PCDHA2: variants seen among roughly 807,000 people sequenced by gnomAD.
The protein encoded by PCDHA2 is protocadherin alpha-2.
In PCDHA2, 58 loss-of-function variants were observed where a neutral mutation model predicts 66.0. The observed-to-expected ratio is 0.88, with a 90% confidence interval of 0.71 to 1.09. The LOEUF (loss-of-function observed/expected upper bound fraction) is 1.09, where lower values mean the gene tolerates loss of function less well. Among genes scored for constraint, PCDHA2 ranks in the 50% least tolerant of loss-of-function variants. The probability of loss-of-function intolerance (pLI) is 0.00; values close to 1 mark genes in which losing one functional copy is unlikely to be tolerated. For missense variants in PCDHA2, 1,267 were observed against 1,242.3 expected (o/e 1.02, Z -0.30); for synonymous variants, 634 against 554.0 (o/e 1.14, Z -2.03).
intron 3 of PCDHA2, among the ~76,000 whole-genome samples, chr5:141,007,284 C>T (rs2098312696): frequency 6.6e-6 from 1 of 151,430 alleles, no homozygotes; most frequent in Admixed American, 6.6e-5. Context: ...GTGCAGTGGG[C>T]TCATGCCTGT....
intron 1 of PCDHA2, chr5:140,884,831 ATCCT>A: frequency 1.1e-6 from 1 of 939,722 alleles, no homozygotes; most frequent in Non-Finnish European, 1.5e-6. Flanking sequence ...GTGTTGGATT[ATCCT>A]TCAGAGTGAA....
At chr5:140,882,633 A>G in intron 1 of PCDHA2, 1 of 1,614,220 alleles carries the variant, frequency 6.2e-7, no homozygotes, top group Non-Finnish European at 8.5e-7. Context: ...GTGGAGGTGA[A>G]GGTGAGGGAC....
intron 1 of PCDHA2, chr5:140,802,804 G>C: frequency 1.2e-6 from 2 of 1,613,474 alleles, no homozygotes; most frequent in South Asian, 1.1e-5. Flanking sequence ...TTCCAGGTGA[G>C]TGCGCGCGAT....
intron 1 of PCDHA2, chr5:140,870,354 G>T: frequency 6.2e-7 from 1 of 1,614,226 alleles, no homozygotes; most frequent in Non-Finnish European, 8.5e-7. Context: ...GCGAGAACGT[G>T]TGGGCCTATG....
In PCDHA2 at chr5:140,808,531, G is replaced by C. The variant is rs1554124620; in HGVS notation, c.2388+11179G>C. 1.9e-6 allele frequency: 3 copies of C among 1,614,180 alleles called. No individual in the cohort carries two copies. In the South Asian group the frequency reaches 3.3e-5, roughly 18 times the overall value. ...GTGTTTCTGTGGAGGTGGCTGATGT[G>C]AACGACAACGCTCCGGCGTTCGCGC... On this transcript the variant is annotated intron_variant, in intron 1 of 3. Coordinates refer to ENST00000526136, the MANE Select transcript of PCDHA2 (RefSeq NM_018905.3).
rs541123870 is a variant in PCDHA2 at position 140,857,278 on chromosome 5, C to T, written c.2388+59926C>T. 4.4e-6 allele frequency: 7 copies of T among 1,598,684 alleles called. No individual in the cohort carries two copies. The South Asian group carries it at 7.7e-5, about 18-fold the overall frequency. On this transcript the variant is annotated intron_variant, in intron 1 of 3. Coordinates refer to ENST00000526136, the MANE Select transcript of PCDHA2 (RefSeq NM_018905.3). ...ATTACTACTCATTGGTGCTGGACAG[C>T]GCTCTGGACCGCGAGAGGGTGTCGG...
intron 1 of PCDHA2, among the ~76,000 whole-genome samples, chr5:140,846,410 T>C (rs1476345835): frequency 7.2e-6 from 1 of 138,236 alleles, no homozygotes; most frequent in Non-Finnish European, 1.6e-5. Flanking sequence ...AGTCTCGCTC[T>C]ATCTCCCAGG....
intron 1 of PCDHA2, among the ~76,000 whole-genome samples, chr5:140,947,229 G>GA (rs201242412): frequency 9.4e-5 from 14 of 148,904 alleles, no homozygotes; most frequent in South Asian, 2.1e-4. Context: ...TTTATGACAG[G>GA]AAAAAAAAAT....
chr5:140,821,737 G>T (rs2150110277), intron 1 of PCDHA2: 1 of 1,541,884 alleles, frequency 6.5e-7, no homozygotes, highest in East Asian at 2.3e-5. Flanking sequence ...ACATTGTGTG[G>T]TGATGCAATA....
At chr5:140,836,206 C>T (rs1554135734) in intron 1 of PCDHA2, 3 of 1,613,832 alleles carry the variant, frequency 1.9e-6, no homozygotes, top group South Asian at 2.2e-5. Context: ...GCGTGGCTTT[C>T]GTATGAGTTG....
intron 1 of PCDHA2, chr5:140,875,308 A>G (rs757619394): frequency 2.7e-5 from 39 of 1,423,476 alleles, no homozygotes; most frequent in Non-Finnish European, 3.4e-5. Flanking sequence ...CTCCGCACCC[A>G]CATTCCAATC....
chr5:140,864,709 T>C (rs2048574243), intron 1 of PCDHA2: 1 of 152,268 alleles, frequency 6.6e-6, no homozygotes, highest in South Asian at 2.1e-4. Flanking sequence ...TGTTGAGCTC[T>C]TCTACTATTT....
At position 140,915,626 on chromosome 5, in the gene PCDHA2, G is replaced by GTCTCTCTCTCTC. The variant is rs57920489; in HGVS notation, c.2389-63304_2389-63293dup. 2.6e-4 allele frequency among the ~76,000 whole-genome samples: 38 copies of GTCTCTCTCTCTC among 146,532 alleles called. No individual in the cohort carries two copies. In the Middle Eastern group the frequency reaches 0.011, roughly 41 times the overall value. Reference sequence around the variant, plus strand: ...ACTTTCTGTCAAACAGTCTCTTTCTGTCTCTCTCTCTCTCTCTCTCTCTCT... The same window carrying GTCTCTCTCTCTC: ...ACTTTCTGTCAAACAGTCTCTTTCTGTCTCTCTCTCTCTCTCTCTCTCTCTCTCTCTCTCTCT... On this transcript the variant is annotated intron_variant, in intron 1 of 3. Coordinates refer to ENST00000526136, the MANE Select transcript of PCDHA2 (RefSeq NM_018905.3).
At chr5:140,835,658 T>G (rs2150240988) in intron 1 of PCDHA2, 43 of 1,613,884 alleles carry the variant, frequency 2.7e-5, no homozygotes, top group African/African-American at 2.3e-4. Context: ...AGCTGGTGGT[T>G]ACCGCGCGGG....
At chr5:140,820,450 C>G (rs2150106988) in intron 1 of PCDHA2, among the ~76,000 whole-genome samples, 4 of 151,918 alleles carry the variant, frequency 2.6e-5, no homozygotes, top group Non-Finnish European at 5.9e-5. Flanking sequence ...CTCTTGGTCC[C>G]TCTTGTCTTC....
rs1284021507 is a variant in PCDHA2, at chr5:140,883,838, G to C, written c.2388+86486G>C. The C allele has an allele frequency of 6.2e-7, 1 of 1,612,620 alleles. No individual in the cohort carries two copies. The highest frequency in any genetic ancestry group is 8.5e-7 in the Non-Finnish European group (1 of 1,179,840). On this transcript the variant is annotated intron_variant, in intron 1 of 3. Coordinates refer to ENST00000526136, the MANE Select transcript of PCDHA2 (RefSeq NM_018905.3). ...CAAGGTGTACGCGCTGCAGCCGTTG[G>C]ACCACGAGGAGCTGGAGCTGTTGCA...
chr5:140,876,644 C>T, intron 1 of PCDHA2: 2 of 1,614,200 alleles, frequency 1.2e-6, no homozygotes, highest in South Asian at 1.1e-5. Context: ...TCACTGACAC[C>T]TCATGTTCCC....
At chr5:140,971,892 G>T in intron 1 of PCDHA2, among the ~76,000 whole-genome samples, 1 of 151,812 alleles carries the variant, frequency 6.6e-6, no homozygotes, top group African/African-American at 2.4e-5. Context: ...AGCTCAGGGA[G>T]GTTAGGTAAT....
In PCDHA2 at chr5:140,877,445, C is replaced by T. The variant is rs782657623; in HGVS notation, c.2388+80093C>T. ...CTGGTGAAGGACCACGGTGAGCCCG[C>T]GCTGACGTCCACGGCCACGGTGCTG... On this transcript the variant is annotated intron_variant, in intron 1 of 3. Transcript: ENST00000526136. 36 of 1,613,714 alleles carry T rather than the reference C, an allele frequency of 2.2e-5. No individual in the cohort carries two copies. The highest frequency in any genetic ancestry group is 3.0e-5 in the Non-Finnish European group (35 of 1,179,874).
Sources: gnomAD v4.1 joint callset for allele counts (sites outside exome capture counted in the v4.1 genomes callset) on GRCh38, gnomAD v4.1.1 for gene constraint, MANE v1.5 for transcripts, NCBI Gene and HGNC (gene_info 2026-07-23, HGNC 2026-07-21) for gene names.